The following PCDH9 variants were observed in gnomAD, a reference collection of about 807,000 sequenced individuals.
PCDH9 encodes protocadherin 9.
A neutral mutation model predicts 70.6 loss-of-function variants in PCDH9; 24 were observed. The observed-to-expected ratio is 0.34, with a 90% CI of 0.25 to 0.48. The LOEUF (loss-of-function observed/expected upper bound fraction) is 0.48. PCDH9 is among the 20% of genes least tolerant of loss of function. The probability of loss-of-function intolerance (pLI) is 0.99; values close to 1 mark genes in which losing one functional copy is unlikely to be tolerated. For missense variants in PCDH9, 1,281 were observed against 1,503.6 expected (o/e 0.85, Z 2.45); for synonymous variants, 562 against 558.5 (o/e 1.01, Z -0.09).
At chr13:67,004,593 G>A (rs1234976083) in intron 2 of PCDH9, among the ~76,000 whole-genome samples, 2 of 150,330 alleles carry the variant, frequency 1.3e-5, no homozygotes, top group East Asian at 3.9e-4. Flanking sequence ...AGAAAGAAAT[G>A]TATAGCATTC....
intron 4 of PCDH9, among the ~76,000 whole-genome samples, chr13:66,398,853 G>C (rs1957144773): frequency 6.6e-6 from 1 of 152,102 alleles, no homozygotes; most frequent in Non-Finnish European, 1.5e-5. Flanking sequence ...CATGCACCCA[G>C]ACAAAATAAT....
At chr13:67,058,018 G>A (rs896922843) in intron 2 of PCDH9, among the ~76,000 whole-genome samples, 8 of 152,090 alleles carry the variant, frequency 5.3e-5, no homozygotes, top group African/African-American at 1.7e-4. Flanking sequence ...TTGAATAGCA[G>A]TGTGCCTAAA....
intron 2 of PCDH9, among the ~76,000 whole-genome samples, chr13:67,139,500 A>G: frequency 6.6e-6 from 1 of 152,238 alleles, no homozygotes; most frequent in South Asian, 2.1e-4. Flanking sequence ...CTAAAATGAA[A>G]CCATTTAGGA....
At chr13:66,932,706 A>C (rs1453863509) in intron 2 of PCDH9, among the ~76,000 whole-genome samples, 6 of 149,724 alleles carry the variant, frequency 4.0e-5, no homozygotes, top group African/African-American at 1.5e-4. Flanking sequence ...GTATGTATAT[A>C]TCATACATAC....
At chr13:66,874,942 T>TGTGTGTGTGTGA (rs533672911) in intron 3 of PCDH9, among the ~76,000 whole-genome samples, 14 of 110,022 alleles carry the variant, frequency 1.3e-4, no homozygotes, top group East Asian at 8.7e-4. Flanking sequence ...TGTGTGTGTG[T>TGTGTGTGTGTGA]GAGAGAGAGA....
intron 4 of PCDH9, among the ~76,000 whole-genome samples, chr13:66,476,534 T>C (rs1416489419): frequency 6.6e-6 from 1 of 152,014 alleles, no homozygotes; most frequent in Admixed American, 6.6e-5. Context: ...TAATATAAAT[T>C]TAAGTAAATG....
chr13:67,059,018 C>G (rs1189815032), intron 2 of PCDH9, among the ~76,000 whole-genome samples: 1 of 151,956 alleles, frequency 6.6e-6, no homozygotes, highest in African/African-American at 2.4e-5. Flanking sequence ...CCCTCTTCTT[C>G]CTCTTCTTAC....
intron 4 of PCDH9, among the ~76,000 whole-genome samples, chr13:66,341,240 G>A (rs1057366938): frequency 4.0e-5 from 6 of 151,738 alleles, no homozygotes; most frequent in Non-Finnish European, 8.8e-5. Context: ...CTACAATCAC[G>A]CATCACCTCA....
intron 4 of PCDH9, among the ~76,000 whole-genome samples, chr13:66,603,483 G>T (rs1207940508): frequency 1.3e-5 from 2 of 151,836 alleles, no homozygotes. Context: ...TTTGAAAATT[G>T]TTCAATGGAT....
At chr13:66,403,567 C>A (rs1407870158) in intron 4 of PCDH9, among the ~76,000 whole-genome samples, 1 of 152,000 alleles carries the variant, frequency 6.6e-6, no homozygotes, top group Non-Finnish European at 1.5e-5. Context: ...TTCTTGGGAG[C>A]TCCTTATACA....
intron 3 of PCDH9, among the ~76,000 whole-genome samples, chr13:66,674,134 C>CAAAATGGAA (rs2078212953): frequency 2.0e-5 from 3 of 151,838 alleles, no homozygotes; most frequent in African/African-American, 7.3e-5. Flanking sequence ...CAGATTTTCC[C>CAAAATGGAA]ACCATCAAAC....
At chr13:66,695,412 C>T (rs933212106) in intron 3 of PCDH9, among the ~76,000 whole-genome samples, 1 of 152,214 alleles carries the variant, frequency 6.6e-6, no homozygotes, top group Admixed American at 6.5e-5. Context: ...AAATAAGTCT[C>T]AGTAATTATG....
intron 4 of PCDH9, among the ~76,000 whole-genome samples, chr13:66,443,907 C>A (rs971439284): frequency 6.6e-6 from 1 of 151,960 alleles, no homozygotes. Context: ...TTACTATGAG[C>A]GTTGTTTAAC....
intron 4 of PCDH9, among the ~76,000 whole-genome samples, chr13:66,348,105 T>A (rs1183395556): frequency 6.6e-6 from 1 of 152,156 alleles, no homozygotes; most frequent in Admixed American, 6.6e-5. Context: ...TTCTTATTAG[T>A]CTCTCAGAAA....
At chr13:67,164,446 G>T (rs945316914) in intron 2 of PCDH9, among the ~76,000 whole-genome samples, 7 of 151,664 alleles carry the variant, frequency 4.6e-5, no homozygotes, top group African/African-American at 1.2e-4. Flanking sequence ...GTGGTGGCAG[G>T]CACCTATAAT....
intron 3 of PCDH9, among the ~76,000 whole-genome samples, chr13:66,819,543 C>A (rs1332469681): frequency 6.6e-6 from 1 of 152,044 alleles, no homozygotes; most frequent in African/African-American, 2.4e-5. Context: ...ATTGGACTTT[C>A]AGGGAGTCCC....
intron 3 of PCDH9, among the ~76,000 whole-genome samples, chr13:66,733,673 T>G (rs1475762767): frequency 1.5e-5 from 1 of 65,220 alleles, no homozygotes; most frequent in Non-Finnish European, 3.8e-5. Context: ...TGTATAAAGG[T>G]AGGCTTTTTT....
chr13:67,104,015 TA>T (rs1284955561), intron 2 of PCDH9, among the ~76,000 whole-genome samples: 1 of 152,130 alleles, frequency 6.6e-6, no homozygotes, highest in African/African-American at 2.4e-5. Flanking sequence ...ATATACAAAG[TA>T]AGGCCTTGAT....
chr13:66,482,652 C>T (rs1958862631), intron 4 of PCDH9, among the ~76,000 whole-genome samples: 1 of 152,140 alleles, frequency 6.6e-6, no homozygotes, highest in South Asian at 2.1e-4. Flanking sequence ...TTGGACAACT[C>T]CAAGTATTGC....
Sources: gnomAD v4.1 joint callset for allele counts (sites outside exome capture counted in the v4.1 genomes callset) on GRCh38, gnomAD v4.1.1 for gene constraint, MANE v1.5 for transcripts, NCBI Gene and HGNC (gene_info 2026-07-23, HGNC 2026-07-21) for gene names.